Variants in KCNMA1 observed in about 807,000 individuals in gnomAD.
KCNMA1 encodes the protein potassium calcium-activated channel subfamily M alpha 1, also known as Calcium-activated potassium channel subunit alpha-1.
KCNMA1 carries 29 observed loss-of-function variants against 140.0 expected under a neutral mutation model. The ratio of observed to expected loss-of-function variants is 0.21; its 90% CI spans 0.15 to 0.28. KCNMA1 has a LOEUF of 0.28. Among genes scored for constraint, KCNMA1 ranks in the 10% least tolerant of loss-of-function variants. The pLI is 1.00. For missense variants in KCNMA1, 880 were observed against 1,602.2 expected (o/e 0.55, Z 7.70); for synonymous variants, 612 against 611.9 (o/e 1.00, Z 0.00).
chr10:77,509,101 TTTGTTGTTGTTGTTGTTGTTG>T, intron 1 of KCNMA1, among the ~76,000 whole-genome samples: 1 of 118,942 alleles, frequency 8.4e-6, no homozygotes, highest in South Asian at 3.2e-4. Flanking sequence ...TTTGTTGGGT[TTTGTTGTTGTTGTTGTTGTTG>T]TTGTTGTTGT....
intron 5 of KCNMA1, among the ~76,000 whole-genome samples, chr10:77,144,912 T>C (rs545320090): frequency 6.6e-6 from 1 of 152,336 alleles, no homozygotes; most frequent in East Asian, 1.9e-4. Flanking sequence ...ATAGGGATTA[T>C]GACATCTACT....
intron 23 of KCNMA1, among the ~76,000 whole-genome samples, chr10:76,932,782 C>T (rs2059598341): frequency 6.6e-6 from 1 of 152,198 alleles, no homozygotes; most frequent in Non-Finnish European, 1.5e-5. Context: ...AGCAACAAAA[C>T]ACATCTTCCA....
intron 15 of KCNMA1, among the ~76,000 whole-genome samples, chr10:77,030,822 T>A (rs2093881793): frequency 6.6e-6 from 1 of 152,192 alleles, no homozygotes; most frequent in Non-Finnish European, 1.5e-5. Context: ...CTTCAAAACA[T>A]TCAAATCCAT....
At chr10:77,039,848 C>T (rs1270019676) in intron 14 of KCNMA1, among the ~76,000 whole-genome samples, 1 of 149,182 alleles carries the variant, frequency 6.7e-6, no homozygotes, top group Non-Finnish European at 1.5e-5. Context: ...CTTTTTTAAC[C>T]TGTGTGATTT....
intron 25 of KCNMA1, among the ~76,000 whole-genome samples, chr10:76,899,887 G>A (rs541590615): frequency 6.6e-6 from 1 of 152,070 alleles, no homozygotes. Flanking sequence ...ATACTAAAAT[G>A]TTTTTTAAAA....
intron 1 of KCNMA1, among the ~76,000 whole-genome samples, chr10:77,453,298 A>T (rs1302690229): frequency 6.6e-6 from 1 of 152,062 alleles, no homozygotes; most frequent in Non-Finnish European, 1.5e-5. Flanking sequence ...CCATCTTCTG[A>T]CACCCACTGA....
chr10:77,388,976 A>G lies in KCNMA1; in HGVS notation c.540+14886T>C, dbSNP rs548707296. Among the ~76,000 whole-genome samples, 153 of 152,342 alleles carry G rather than the reference A, an allele frequency of 1.0e-3. 1 individual carries two copies. Among genetic ancestry groups the G allele is most frequent in the Middle Eastern group, 3.4e-3 (1 of 294 alleles). ...AACCAGATAAACCCACTGGTTTGCA[A>G]ACTAGGCACAAGGGCAGAGGAATAG... On this transcript the variant is annotated intron_variant, in intron 2 of 27. Coordinates refer to ENST00000286628, the MANE Select transcript of KCNMA1 (RefSeq NM_001161352.2).
intron 5 of KCNMA1, among the ~76,000 whole-genome samples, chr10:77,145,016 A>G (rs1018436916): frequency 2.6e-5 from 4 of 152,204 alleles, no homozygotes; most frequent in Non-Finnish European, 5.9e-5. Flanking sequence ...AAATCTGCCA[A>G]AGCACTAGGG....
intron 2 of KCNMA1, among the ~76,000 whole-genome samples, chr10:77,325,123 A>C (rs2083684818): frequency 6.6e-6 from 1 of 152,090 alleles, no homozygotes. Context: ...ACCACTGAGG[A>C]GCAAAGACAA....
chr10:77,556,218 A>T (rs112282436), intron 1 of KCNMA1, among the ~76,000 whole-genome samples: 61 of 152,132 alleles, frequency 4.0e-4, no homozygotes, highest in African/African-American at 1.1e-3. Flanking sequence ...TTAAAAGTCA[A>T]TTCAGGGTCA....
intron 19 of KCNMA1, chr10:76,995,822 G>A (rs2084125927): frequency 2.6e-6 from 1 of 390,312 alleles, no homozygotes; most frequent in Non-Finnish European, 5.1e-6. Flanking sequence ...AAAGAGCCGA[G>A]TCATTTATTA....
intron 19 of KCNMA1, among the ~76,000 whole-genome samples, chr10:76,983,876 C>G (rs2080346279): frequency 6.6e-6 from 1 of 152,000 alleles, no homozygotes; most frequent in Non-Finnish European, 1.5e-5. Flanking sequence ...ATATTCTGTA[C>G]AAAGGAATAC....
At chr10:77,635,979 T>TTC in intron 1 of KCNMA1, 1 of 176,656 alleles carries the variant, frequency 5.7e-6, no homozygotes, top group Non-Finnish European at 1.2e-5. Flanking sequence ...GCTTCCCTAC[T>TTC]TCTCTCAGCC....
At chr10:77,264,937 T>C (rs1300886794) in intron 2 of KCNMA1, among the ~76,000 whole-genome samples, 2 of 152,178 alleles carry the variant, frequency 1.3e-5, no homozygotes, top group Admixed American at 6.5e-5. Context: ...AGAGTTGACC[T>C]GGCAGGGGAC....
chr10:76,949,197 T>C lies in KCNMA1; in HGVS notation c.2654A>G (p.Tyr885Cys), dbSNP rs1303405042. 2 of 1,614,162 alleles carry C rather than the reference T, an allele frequency of 1.2e-6. No individual in the cohort carries two copies. The highest frequency in any genetic ancestry group is 1.7e-6 in the Non-Finnish European group (2 of 1,180,024). ...KHIVFVGSIE[Y>C]LKREWETLHN... ...AAGCGTCTCCCATTCCCGCTTGAGG[T>C]ACTCAATAGAGCCCACAAACACAAT... Residue 885 changes from tyrosine (Y) to cysteine (C), a missense_variant, in exon 22 of 28, where the codon TAC becomes TGC. Coordinates refer to ENST00000286628, the MANE Select transcript of KCNMA1 (RefSeq NM_001161352.2).
chr10:76,900,776 A>T (rs1394739204), intron 25 of KCNMA1, among the ~76,000 whole-genome samples: 1 of 152,116 alleles, frequency 6.6e-6, no homozygotes. Context: ...AAAAATGACA[A>T]TCGGCATTTG....
chr10:76,953,712 T>G, intron 21 of KCNMA1, 89 bp downstream of exon 21: 1 of 1,509,328 alleles, frequency 6.6e-7, no homozygotes, highest in African/African-American at 1.4e-5. Context: ...GACAGTATTA[T>G]CCCACTGTCC....
intron 17 of KCNMA1, among the ~76,000 whole-genome samples, chr10:77,016,704 A>C (rs912456443): frequency 1.3e-5 from 2 of 152,128 alleles, no homozygotes; most frequent in African/African-American, 4.8e-5. Context: ...TTTTAAAAGG[A>C]AAATATTTGG....
intron 3 of KCNMA1, chr10:77,249,968 A>G (rs1049152625): frequency 6.6e-6 from 1 of 152,190 alleles, no homozygotes; most frequent in Non-Finnish European, 1.5e-5. Context: ...GACCTCTGAT[A>G]GGCTTAAACT....
Sources: gnomAD v4.1 joint callset for allele counts (sites outside exome capture counted in the v4.1 genomes callset) on GRCh38, gnomAD v4.1.1 for gene constraint, MANE v1.5 for transcripts, NCBI Gene and HGNC (gene_info 2026-07-23, HGNC 2026-07-21) for gene names.